Variants in POLR1C observed in about 807,000 individuals in gnomAD.
POLR1C encodes RNA polymerase I and III subunit C, also known as DNA-directed RNA polymerases I and III subunit RPAC1.
POLR1C carries 42 observed loss-of-function variants against 38.3 expected under a neutral mutation model. That is an observed-to-expected ratio of 1.10 (90% confidence interval 0.86 to 1.42). POLR1C has a LOEUF of 1.42. Ranked by LOEUF, POLR1C falls within the 40% of genes most tolerant of loss-of-function variation. The pLI is 0.00. For synonymous variants in POLR1C, 163 were observed against 163.9 expected (o/e 0.99, Z 0.04); for missense variants, 507 against 450.5 (o/e 1.13, Z -1.14).
intron 10 of POLR1C, chr6:43,560,376 T>A: frequency 1.4e-6 from 2 of 1,471,292 alleles, no homozygotes; most frequent in Admixed American, 5.2e-5. Context: ...TTAGCAGTTA[T>A]CAACTACATT....
chr6:43,548,233 A>G, intron 9 of POLR1C: 1 of 1,553,312 alleles, frequency 6.4e-7, no homozygotes, highest in African/African-American at 1.4e-5. Flanking sequence ...TGAGTATAGT[A>G]AGAGTCAGGG....
In POLR1C at chr6:43,519,430, T is replaced by C. The variant is rs771205218; in HGVS notation, c.239T>C (p.Leu80Pro). 8 of 1,611,530 alleles carry C rather than the reference T, an allele frequency of 5.0e-6. No homozygotes were observed. The highest frequency in any genetic ancestry group is 1.3e-5 in the African/African-American group (1 of 74,886). ...ATTGCCAATGCTTTTCGACGAATTCTGCTAGCTGAGGTATTGGCAGGCATG... is the reference window on the plus strand; with the variant it reads ...ATTGCCAATGCTTTTCGACGAATTCCGCTAGCTGAGGTATTGGCAGGCATG... Reference protein sequence around the residue: ...AAIANAFRRILLAEVPTMAVE... With the variant: ...AAIANAFRRIPLAEVPTMAVE... The change falls in exon 3 of 9, where the codon CTG (leucine) becomes CCG (proline). Residue 80 changes from leucine (L) to proline (P), a missense_variant. Coordinates refer to ENST00000642195, the MANE Select transcript of POLR1C (RefSeq NM_203290.4).
At chr6:43,541,750 A>C (rs1232852713) in intron 9 of POLR1C, among the ~76,000 whole-genome samples, 5 of 152,186 alleles carry the variant, frequency 3.3e-5, no homozygotes, top group Non-Finnish European at 4.4e-5. Flanking sequence ...TCAGTACTTC[A>C]TTTTGTAAGT....
chr6:43,520,443 G>A lies in POLR1C; in HGVS notation c.655+16G>A. On this transcript the variant is annotated intron_variant, in intron 6 of 8. Transcript: ENST00000642195. ...AAGGGCATTGGTGAGAACCCTGTGT[G>A]CCTTCCTGGGAAGGGGGATAGTTCG... 1 of 1,613,060 alleles carries A rather than the reference G, an allele frequency of 6.2e-7. No individual in the cohort carries two copies. The highest frequency in any genetic ancestry group is 1.1e-5 in the South Asian group (1 of 91,042).
chr6:43,556,375 A>T lies in POLR1C; in HGVS notation c.*49-5025A>T, dbSNP rs769992353. ...CCAGTCTCTACCAAAAAATACAAAA[A>T]GTAGCCAGGTGTGGTGGCATGCTCC... On this transcript the variant is annotated intron_variant, in intron 10 of 10. Transcript: ENST00000607635. Among the ~76,000 whole-genome samples, 6 of 152,146 alleles carry T rather than the reference A, an allele frequency of 3.9e-5. No homozygotes were observed. The East Asian group carries it at 7.7e-4, about 20-fold the overall frequency.
intron 9 of POLR1C, chr6:43,544,010 A>G (rs1033655586): frequency 1.3e-5 from 2 of 152,402 alleles, no homozygotes; most frequent in African/African-American, 2.4e-5. Flanking sequence ...AACTCTTAAT[A>G]GCTCCAGCTA....
rs1792888740 is a variant in POLR1C at position 43,517,390 on chromosome 6, G to A, written c.141+13G>A. The A allele has an allele frequency of 6.2e-7, 1 of 1,612,210 alleles. No individual in the cohort carries two copies. Among genetic ancestry groups the A allele is most frequent in the Admixed American group, 1.7e-5 (1 of 59,988 alleles). ...CCGCTTCGAGAAGGTAAGTGGGGCC[G>A]GAGTTGTCTGGGGAGGGTTATGAAG... is the stretch of plus-strand genomic sequence containing the variant. On this transcript the variant is annotated intron_variant, in intron 2 of 8. Coordinates refer to ENST00000642195, the MANE Select transcript of POLR1C (RefSeq NM_203290.4).
intron 9 of POLR1C, among the ~76,000 whole-genome samples, chr6:43,540,769 T>A (rs1794651782): frequency 6.6e-6 from 1 of 152,196 alleles, no homozygotes; most frequent in Admixed American, 6.6e-5. Context: ...TGAGCCAACA[T>A]GCCCAGCCCC....
chr6:43,529,504 A>C (rs1793822508), exon 9 of POLR1C: 2 of 262,828 alleles, frequency 7.6e-6, no homozygotes, highest in Admixed American at 1.0e-4. Context: ...CAGTGAGCCG[A>C]GATCACGCCA....
intron 9 of POLR1C, chr6:43,544,029 T>C (rs1199596907): frequency 6.6e-6 from 1 of 152,512 alleles, no homozygotes; most frequent in African/African-American, 2.4e-5. Flanking sequence ...TACACACTAT[T>C]CAAGCAATCT....
chr6:43,553,512 C>CA (rs1379767003), intron 10 of POLR1C: 1 of 1,415,374 alleles, frequency 7.1e-7, no homozygotes, highest in Non-Finnish European at 9.4e-7. Context: ...AGCTTTAAAA[C>CA]ACACACACAC....
At chr6:43,553,081 A>C (rs1217288443) in intron 10 of POLR1C, among the ~76,000 whole-genome samples, 1 of 152,142 alleles carries the variant, frequency 6.6e-6, no homozygotes, top group African/African-American at 2.4e-5. Context: ...TGGGAGGCCA[A>C]GGCAGGAGGG....
At chr6:43,542,396 T>C (rs1026957374) in intron 9 of POLR1C, among the ~76,000 whole-genome samples, 2 of 152,070 alleles carry the variant, frequency 1.3e-5, no homozygotes, top group East Asian at 1.9e-4. Context: ...ACTAAAAAAA[T>C]AGTAATTTAT....
chr6:43,550,967 G>A lies in POLR1C; in HGVS notation c.*5-1G>A. On this transcript the variant is annotated splice_acceptor_variant, in intron 9 of 10. Transcript: ENST00000607635. LOFTEE classifies it low-confidence loss of function (3UTR_SPLICE). ...AACTGTTTTTGTGCCTTTCTTCCCA[G>A]AGTGTTCCTAAAGAGTGAGGCACTA... The A allele has an allele frequency of 5.7e-6, 1 of 175,910 alleles. No individual in the cohort carries two copies. The allele number at this position is 175,910 out of a possible 1,614,324, so 10.9% of individuals were successfully genotyped here.
chr6:43,539,081 G>T lies in POLR1C; in HGVS notation c.*4+9722G>T, dbSNP rs145302309. 1.6e-4 allele frequency: 221 copies of T among 1,399,530 alleles called. No homozygotes were observed. The African/African-American group carries it at 2.7e-3, about 17-fold the overall frequency. 86.7% of individuals were successfully genotyped at this position (1,399,530 alleles called of 1,614,324 possible). A position where few individuals can be genotyped will look rare whatever the true frequency, so the allele number is the denominator to read the frequency against. On this transcript the variant is annotated intron_variant, in intron 9 of 10. Coordinates refer to the POLR1C transcript ENST00000607635. ...CATCATGAGCAGCTTCTTGGGCACA[G>T]GTGCGGAGACAATGCCAGTGCCCCT... is the stretch of plus-strand genomic sequence containing the variant.
At chr6:43,547,031 T>G (rs2127727824) in intron 9 of POLR1C, among the ~76,000 whole-genome samples, 1 of 152,284 alleles carries the variant, frequency 6.6e-6, no homozygotes, top group East Asian at 1.9e-4. Context: ...AGGACCCTGA[T>G]GAGAAGGTGG....
At chr6:43,536,554 C>T (rs189041986) in intron 9 of POLR1C, among the ~76,000 whole-genome samples, 57 of 151,136 alleles carry the variant, frequency 3.8e-4, no homozygotes, top group African/African-American at 1.2e-3. Flanking sequence ...GTCAGGAGTT[C>T]AAGACCAGTC....
downstream of POLR1C, chr6:43,521,596 C>T (rs1001973579): frequency 1.6e-5 from 9 of 553,678 alleles, no homozygotes; most frequent in Non-Finnish European, 2.2e-5. Context: ...GCAATCTCAG[C>T]TCACTGCAGC....
rs1049318088 is a variant in POLR1C, at chr6:43,545,205, A to C, written c.*5-5763A>C. ...TGTCTATTTCCACAGACATGTCCAC[A>C]ATGACAACTTTATCAGACACTCCAG... is the stretch of plus-strand genomic sequence containing the variant. On this transcript the variant is annotated intron_variant, in intron 9 of 10. Coordinates refer to the POLR1C transcript ENST00000607635. 3.9e-5 allele frequency among the ~76,000 whole-genome samples: 6 copies of C among 152,194 alleles called. No homozygotes were observed. In the South Asian group the frequency reaches 1.2e-3, roughly 32 times the overall value.
Sources: gnomAD v4.1 joint callset for allele counts (sites outside exome capture counted in the v4.1 genomes callset) on GRCh38, gnomAD v4.1.1 for gene constraint, MANE v1.5 for transcripts, NCBI Gene and HGNC (gene_info 2026-07-23, HGNC 2026-07-21) for gene names.